The following ZSWIM5 variants were observed in gnomAD, a reference collection of about 807,000 sequenced individuals.
The protein encoded by ZSWIM5 is zinc finger SWIM-type containing 5.
Under a neutral mutation model 119.6 loss-of-function variants are expected in ZSWIM5, and 55 were observed. The observed-to-expected ratio is 0.46, with a 90% CI of 0.37 to 0.58. The LOEUF (loss-of-function observed/expected upper bound fraction) is 0.58, where lower values mean the gene tolerates loss of function less well. Ranked by LOEUF, ZSWIM5 falls within the 20% of genes least tolerant of loss-of-function variation. The probability of loss-of-function intolerance (pLI) is 0.00; values close to 1 mark genes in which losing one functional copy is unlikely to be tolerated. For synonymous variants in ZSWIM5, 537 were observed against 606.9 expected, an observed-to-expected ratio of 0.88 and a Z score of 1.69; for missense variants, 1,193 against 1,512.8, an observed-to-expected ratio of 0.79 and a Z score of 3.51.
Position 45,018,419 on chromosome 1 carries a change from AC to A in ZSWIM5, c.*34del. 1 of 1,595,902 alleles carries A rather than the reference AC, an allele frequency of 6.3e-7. No individual in the cohort carries two copies. The highest frequency in any genetic ancestry group is 8.5e-7 in the Non-Finnish European group (1 of 1,170,668). ...TGGCCTGACCTGATACTACCTGGGA[AC>A]CCAGGCTGCTCTGGCAGTGAGCTAT... On this transcript the variant is annotated 3_prime_UTR_variant, in exon 14 of 14. Transcript: ENST00000359600. The surrounding 1 kb of genome is among the most constrained non-coding windows in gnomAD (Gnocchi z 6.7).
chr1:45,075,962 C>T (rs1408904374), intron 2 of ZSWIM5, among the ~76,000 whole-genome samples: 1 of 149,446 alleles, frequency 6.7e-6, no homozygotes, highest in Non-Finnish European at 1.5e-5. Context: ...TAACAACTTA[C>T]ACTGTTTAAA....
At chr1:45,105,963 C>T (rs1269033282) in intron 1 of ZSWIM5, among the ~76,000 whole-genome samples, 30 of 143,434 alleles carry the variant, frequency 2.1e-4, no homozygotes, top group Non-Finnish European at 4.3e-4. Flanking sequence ...AAGTGAGGAG[C>T]GCCTCTGCCC....
chr1:45,127,368 C>T (rs1645627533), intron 1 of ZSWIM5, among the ~76,000 whole-genome samples: 1 of 151,750 alleles, frequency 6.6e-6, no homozygotes, highest in African/African-American at 2.4e-5. Flanking sequence ...AAAAAACCTA[C>T]AGCTAACATA....
chr1:45,080,780 T>G (rs1645285267), intron 2 of ZSWIM5, among the ~76,000 whole-genome samples: 1 of 152,176 alleles, frequency 6.6e-6, no homozygotes, highest in African/African-American at 2.4e-5. Context: ...GCCAGGATGC[T>G]GTACCCCAGA....
chr1:45,135,084 A>G (rs1430965171), intron 1 of ZSWIM5, among the ~76,000 whole-genome samples: 3 of 150,102 alleles, frequency 2.0e-5, no homozygotes, highest in Non-Finnish European at 4.4e-5. Flanking sequence ...TTTTGGATAT[A>G]TACTCAGAAA....
chr1:45,163,032 C>G (rs1027708999), intron 1 of ZSWIM5, among the ~76,000 whole-genome samples: 1 of 152,164 alleles, frequency 6.6e-6, no homozygotes, highest in African/African-American at 2.4e-5. Flanking sequence ...TCAAGTGGGT[C>G]CTTGACCCCC....
At chr1:45,059,959 C>T in intron 3 of ZSWIM5, 140 bp downstream of exon 3, 1 of 1,083,386 alleles carries the variant, frequency 9.2e-7, no homozygotes, top group Non-Finnish European at 1.3e-6. Flanking sequence ...TGGTCAGCCT[C>T]TCCCACTAGA....
At chr1:45,040,928 C>A in intron 6 of ZSWIM5, among the ~76,000 whole-genome samples, 1 of 152,094 alleles carries the variant, frequency 6.6e-6, no homozygotes, top group East Asian at 1.9e-4. Flanking sequence ...AGGGAGTATG[C>A]TGGGCAAAGA....
intron 1 of ZSWIM5, among the ~76,000 whole-genome samples, chr1:45,110,708 C>G (rs1260379340): frequency 6.6e-6 from 1 of 152,120 alleles, no homozygotes; most frequent in African/African-American, 2.4e-5. Flanking sequence ...AATAACCAAG[C>G]AAGTCTCTAC....
chr1:45,053,836 TTTCTGTCTTATTAATTACATCC>T (rs924925979), intron 4 of ZSWIM5, among the ~76,000 whole-genome samples: 21 of 150,996 alleles, frequency 1.4e-4, no homozygotes, highest in Admixed American at 4.0e-4. Context: ...ACAAATGAGT[TTTCTGTCTTATTAATTACATCC>T]TTATAAATTT....
At chr1:45,107,880 C>A (rs1645491682) in intron 1 of ZSWIM5, among the ~76,000 whole-genome samples, 1 of 152,154 alleles carries the variant, frequency 6.6e-6, no homozygotes, top group Admixed American at 6.6e-5. Flanking sequence ...CAGCCTTGAT[C>A]TCCCTGGCTT....
At chr1:45,192,221 T>C (rs1229314347) in intron 1 of ZSWIM5, among the ~76,000 whole-genome samples, 1 of 152,216 alleles carries the variant, frequency 6.6e-6, no homozygotes, top group Non-Finnish European at 1.5e-5. Flanking sequence ...CACTCCTACC[T>C]ATCTCCAGAA....
chr1:45,160,989 A>ATTTTTTTTTTTTTTTTTTTTTTTT (rs534599856), intron 1 of ZSWIM5, among the ~76,000 whole-genome samples: 1,758 of 121,780 alleles, frequency 0.014, 86 homozygotes, highest in Non-Finnish European at 0.024. Flanking sequence ...GCCCGGCTAA[A>ATTTTTTTTTTTTTTTTTTTTTTTT]TTTTTTTTTT....
At chr1:45,122,674 G>A (rs1230507756) in intron 1 of ZSWIM5, among the ~76,000 whole-genome samples, 1 of 152,034 alleles carries the variant, frequency 6.6e-6, no homozygotes, top group Admixed American at 6.5e-5. Flanking sequence ...AATGCCAACA[G>A]ATGCAGACCA....
intron 1 of ZSWIM5, among the ~76,000 whole-genome samples, chr1:45,200,232 A>G (rs141624383): frequency 1.8e-4 from 27 of 152,346 alleles, no homozygotes; most frequent in African/African-American, 6.5e-4. Context: ...AGTTGACTAT[A>G]TATGATTACA....
Position 45,088,113 on chromosome 1 carries a change from C to T in ZSWIM5, c.720G>A (p.Lys240=). Residue 240 remains lysine (K), a synonymous_variant, in exon 2 of 14, where the codon AAG becomes AAA. Transcript: ENST00000359600. This position sits in a 1 kb window ranked among gnomAD's most constrained non-coding sequence, Gnocchi z 4.2. ...ITSVTCGCGN[K]DIFYCAHVVA... Reference sequence around the variant, plus strand: ...CCACATGGGCACAGTAGAATATGTCCTTGTTCCCACAGCCACATGTCACTG... The same window carrying T: ...CCACATGGGCACAGTAGAATATGTCTTTGTTCCCACAGCCACATGTCACTG... 6.2e-7 allele frequency: 1 copy of T among 1,614,192 alleles called. No individual in the cohort carries two copies. Among genetic ancestry groups the T allele is most frequent in the African/African-American group, 1.3e-5 (1 of 75,046 alleles).
chr1:45,016,780 CT>C lies in ZSWIM5; in HGVS notation c.*1673del, dbSNP rs1557736560. 6.6e-6 allele frequency: 1 copy of C among 152,246 alleles called. No homozygotes were observed. The highest frequency in any genetic ancestry group is 6.5e-5 in the Admixed American group (1 of 15,282). The allele number at this position is 152,246 out of a possible 1,614,324, so 9.4% of individuals were successfully genotyped here. ...ACACCAAGACACTGGTTCCAACTGA[CT>C]TTTCTGAGTGCCCTTGCTACCTCCT... On this transcript the variant is annotated 3_prime_UTR_variant, in exon 14 of 14. Coordinates refer to ENST00000359600, the MANE Select transcript of ZSWIM5 (RefSeq NM_020883.2).
intron 2 of ZSWIM5, among the ~76,000 whole-genome samples, chr1:45,064,696 A>C (rs578012262): frequency 1.3e-5 from 2 of 152,358 alleles, no homozygotes; most frequent in African/African-American, 4.8e-5. Context: ...GTAGGTGCTC[A>C]ATAAATATTT....
At chr1:45,034,805 A>T (rs763119814) in intron 10 of ZSWIM5, among the ~76,000 whole-genome samples, 6 of 152,136 alleles carry the variant, frequency 3.9e-5, no homozygotes, top group Non-Finnish European at 8.8e-5. Flanking sequence ...TTTTTGAGAC[A>T]GTGTCTCTCT....
Sources: gnomAD v4.1 joint callset for allele counts (sites outside exome capture counted in the v4.1 genomes callset) on GRCh38, gnomAD v4.1.1 for gene constraint, Gnocchi (gnomAD v3.1) non-coding constraint, MANE v1.5 for transcripts, NCBI Gene and HGNC (gene_info 2026-07-23, HGNC 2026-07-21) for gene names.